ZFHX3: variants seen among roughly 807,000 people sequenced by gnomAD.
The protein encoded by ZFHX3 is zinc finger homeobox protein 3.
Under a neutral mutation model 279.1 loss-of-function variants are expected in ZFHX3, and 42 were observed. That is an observed-to-expected ratio of 0.15 (90% CI 0.12 to 0.19). The LOEUF (loss-of-function observed/expected upper bound fraction) is 0.19, where lower values mean the gene tolerates loss of function less well. ZFHX3 is among the 10% of genes least tolerant of loss of function. ZFHX3 has a pLI of 1.00. For missense variants in ZFHX3, 4,981 were observed against 4,754.0 expected, an observed-to-expected ratio of 1.05 and a Z score of -1.40; for synonymous variants, 2,293 against 1,957.8, an observed-to-expected ratio of 1.17 and a Z score of -4.52.
At chr16:72,846,541 C>T (rs1340636426) in intron 4 of ZFHX3, among the ~76,000 whole-genome samples, 1 of 152,252 alleles carries the variant, frequency 6.6e-6, no homozygotes, top group African/African-American at 2.4e-5. Context: ...GCACCTCTTC[C>T]TCTGGGCACA....
At chr16:73,692,319 T>A (rs1238043751) in intron 1 of ZFHX3, among the ~76,000 whole-genome samples, 1 of 152,112 alleles carries the variant, frequency 6.6e-6, no homozygotes, top group East Asian at 1.9e-4. Context: ...ATCAGTACAA[T>A]CTTCAGATGG....
chr16:73,124,893 G>T (rs536923937), intron 7 of ZFHX3, among the ~76,000 whole-genome samples: 11 of 152,134 alleles, frequency 7.2e-5, no homozygotes, highest in Non-Finnish European at 1.6e-4. Flanking sequence ...GCTGGGAGGG[G>T]GCTGGGAGAA....
chr16:73,529,090 A>G (rs2019746849), intron 2 of ZFHX3, among the ~76,000 whole-genome samples: 1 of 152,346 alleles, frequency 6.6e-6, no homozygotes, highest in East Asian at 1.9e-4. Flanking sequence ...ACTCGTGATG[A>G]GGCTAGAGGT....
chr16:73,787,814 A>AGTGT (rs72236616), intron 1 of ZFHX3, among the ~76,000 whole-genome samples: 12,582 of 137,888 alleles, frequency 0.091, 619 homozygotes, highest in Non-Finnish European at 0.12. Context: ...GTTTTCTTAA[A>AGTGT]GTGTGTGTGT....
intron 4 of ZFHX3, among the ~76,000 whole-genome samples, chr16:73,311,662 AT>A (rs2015330908): frequency 6.6e-6 from 1 of 151,068 alleles, no homozygotes; most frequent in African/African-American, 2.4e-5. Flanking sequence ...GTAGATAAAA[AT>A]GTTTGTTCTC....
At chr16:73,373,887 C>T (rs1239550672) in intron 3 of ZFHX3, among the ~76,000 whole-genome samples, 1 of 152,204 alleles carries the variant, frequency 6.6e-6, no homozygotes, top group African/African-American at 2.4e-5. Flanking sequence ...AAATCACTTA[C>T]AAAGCTATTG....
At chr16:72,792,883 G>A (rs1481267442) in intron 9 of ZFHX3, among the ~76,000 whole-genome samples, 1 of 152,220 alleles carries the variant, frequency 6.6e-6, no homozygotes, top group African/African-American at 2.4e-5. Context: ...ACTAACTCAG[G>A]TGTCTTATAT....
intron 2 of ZFHX3, among the ~76,000 whole-genome samples, chr16:73,498,149 TA>T (rs1384943220): frequency 6.6e-6 from 1 of 152,254 alleles, no homozygotes; most frequent in Non-Finnish European, 1.5e-5. Flanking sequence ...TATCCCCTTG[TA>T]AAAGCGTAAC....
intron 3 of ZFHX3, among the ~76,000 whole-genome samples, chr16:72,913,850 A>G (rs1425018815): frequency 1.3e-5 from 2 of 152,216 alleles, no homozygotes; most frequent in Non-Finnish European, 2.9e-5. Flanking sequence ...GCTCTCGACA[A>G]TGGAAATGAA....
chr16:73,150,209 C>T (rs945863456), intron 5 of ZFHX3, among the ~76,000 whole-genome samples: 1 of 152,146 alleles, frequency 6.6e-6, no homozygotes, highest in Non-Finnish European at 1.5e-5. Context: ...TCAGGTTGTC[C>T]AGACCAAGGT....
At chr16:73,236,216 G>A (rs1014435675) in intron 5 of ZFHX3, among the ~76,000 whole-genome samples, 1 of 152,348 alleles carries the variant, frequency 6.6e-6, no homozygotes, top group African/African-American at 2.4e-5. Context: ...ACAATAAAGA[G>A]AGGAAGGGAA....
At chr16:73,008,425 C>T (rs1443464295) in intron 1 of ZFHX3, among the ~76,000 whole-genome samples, 1 of 152,062 alleles carries the variant, frequency 6.6e-6, no homozygotes, top group African/African-American at 2.4e-5. Flanking sequence ...GGAGATGAAA[C>T]TCTGGCAAAT....
In ZFHX3 at chr16:73,687,011, A is replaced by AATATATAT. The variant is rs58565282; in HGVS notation, c.-1607-6779_-1607-6772dup. On this transcript the variant is annotated intron_variant, in intron 1 of 17. Coordinates refer to the ZFHX3 transcript ENST00000641206. Reference sequence around the variant, plus strand: ...GAGAATATATATATATTTGCAGCTAAATATATATATATATATATATATATA... The same window carrying AATATATAT: ...GAGAATATATATATATTTGCAGCTAAATATATATATATATATATATATATATATATATA... Among the ~76,000 whole-genome samples the AATATATAT allele has an allele frequency of 4.3e-3, 227 of 53,092 alleles. 1 individual carries two copies. The highest frequency in any genetic ancestry group is 4.9e-3 in the Non-Finnish European group (139 of 28,288). The allele number at this position is 53,092 out of a possible 152,430, so 34.8% of individuals were successfully genotyped here.
At chr16:73,491,372 A>G (rs1394768594) in intron 2 of ZFHX3, among the ~76,000 whole-genome samples, 1 of 152,234 alleles carries the variant, frequency 6.6e-6, no homozygotes, top group Non-Finnish European at 1.5e-5. Flanking sequence ...AATTCACTGC[A>G]AAGGTGCTGC....
At position 72,814,838 on chromosome 16, in the gene ZFHX3, T is replaced by C. The variant is rs530754062; in HGVS notation, c.3530-2800A>G. Among the ~76,000 whole-genome samples, 4 of 152,316 alleles carry C rather than the reference T, an allele frequency of 2.6e-5. No individual in the cohort carries two copies. The East Asian group carries it at 7.7e-4, about 29-fold the overall frequency. ...GTTTCTATCTAGGACAATCTGCACC[T>C]TTATTAGATCAAATCTGTCTAGAAG... On this transcript the variant is annotated intron_variant, in intron 5 of 9. Coordinates refer to ENST00000268489, the MANE Select transcript of ZFHX3 (RefSeq NM_006885.4).
chr16:73,343,993 G>T (rs2016080706), intron 3 of ZFHX3, among the ~76,000 whole-genome samples: 1 of 152,170 alleles, frequency 6.6e-6, no homozygotes, highest in African/African-American at 2.4e-5. Flanking sequence ...GTAATAACTG[G>T]TTCAAATAAG....
chr16:73,740,577 C>G (rs1057157123), intron 1 of ZFHX3, among the ~76,000 whole-genome samples: 1 of 152,136 alleles, frequency 6.6e-6, no homozygotes, highest in African/African-American at 2.4e-5. Context: ...AGACATCATC[C>G]ATAATAGGAT....
chr16:72,897,940 A>G (rs1471626757), intron 3 of ZFHX3, among the ~76,000 whole-genome samples: 1 of 152,190 alleles, frequency 6.6e-6, no homozygotes. Context: ...CACAGACTGC[A>G]GGGGGTTCTG....
chr16:72,939,125 G>A (rs542914974), intron 3 of ZFHX3, among the ~76,000 whole-genome samples: 8 of 152,318 alleles, frequency 5.3e-5, no homozygotes, highest in African/African-American at 1.9e-4. Context: ...CATGGCGGTA[G>A]AGGGGAAGTA....
Sources: gnomAD v4.1 joint callset for allele counts (sites outside exome capture counted in the v4.1 genomes callset) on GRCh38, gnomAD v4.1.1 for gene constraint, MANE v1.5 for transcripts, NCBI Gene and HGNC (gene_info 2026-07-23, HGNC 2026-07-21) for gene names.